Variants in MPDZ observed in about 807,000 individuals in gnomAD.
The protein encoded by MPDZ is multiple PDZ domain protein.
A neutral mutation model predicts 239.1 loss-of-function variants in MPDZ; 234 were observed. That is an observed-to-expected ratio of 0.98 (90% CI 0.88 to 1.09). The LOEUF (loss-of-function observed/expected upper bound fraction) is 1.09. MPDZ is among the 50% of genes least tolerant of loss of function. MPDZ has a pLI of 0.00. For missense variants in MPDZ, 3,175 were observed against 2,510.0 expected, an observed-to-expected ratio of 1.26 and a Z score of -5.66; for synonymous variants, 1,048 against 881.3, an observed-to-expected ratio of 1.19 and a Z score of -3.35.
At chr9:13,204,396 T>A (rs1325063024) in intron 12 of MPDZ, among the ~76,000 whole-genome samples, 1 of 152,164 alleles carries the variant, frequency 6.6e-6, no homozygotes, top group East Asian at 1.9e-4. Flanking sequence ...GAGATCAGCC[T>A]GGCCAACATG....
At chr9:13,136,270 A>G in intron 30 of MPDZ, 88 bp from the exon 31 acceptor site, 1 of 756,146 alleles carries the variant, frequency 1.3e-6, no homozygotes, top group Non-Finnish European at 2.0e-6. Flanking sequence ...ATTAGAGAAA[A>G]TTATTTAACC....
intron 3 of MPDZ, among the ~76,000 whole-genome samples, chr9:13,230,486 G>A (rs984569704): frequency 1.3e-5 from 2 of 151,994 alleles, no homozygotes; most frequent in African/African-American, 2.4e-5. Context: ...AAGATATCAA[G>A]GGCATTATGC....
chr9:13,164,425 T>C (rs909616442), intron 22 of MPDZ, among the ~76,000 whole-genome samples: 1 of 151,962 alleles, frequency 6.6e-6, no homozygotes, highest in Non-Finnish European at 1.5e-5. Context: ...AAACCTAAAA[T>C]GTGAAAAGCT....
At chr9:13,178,013 T>C (rs1952736758) in intron 19 of MPDZ, among the ~76,000 whole-genome samples, 1 of 152,124 alleles carries the variant, frequency 6.6e-6, no homozygotes, top group Admixed American at 6.5e-5. Context: ...CGGGGTCTCA[T>C]CGTGATGGTC....
chr9:13,241,688 G>C (rs574406105), intron 3 of MPDZ, among the ~76,000 whole-genome samples: 5 of 152,256 alleles, frequency 3.3e-5, no homozygotes, highest in Non-Finnish European at 7.4e-5. Flanking sequence ...TTAAAATAGA[G>C]CAAGAAAATG....
rs1554644759 is a variant in MPDZ, at chr9:13,119,553, A to G, written c.5328T>C (p.Asn1776=). Residue 1776 remains asparagine, a synonymous_variant, in exon 39 of 47, where the codon AAT becomes AAC. Coordinates refer to ENST00000319217, the MANE Select transcript of MPDZ (RefSeq NM_001378778.1). ...GGGTGGCATTACGAACGTCTTCCCC[A>G]TTCACCATTAATATCTGGTCTCCCT... is the stretch of plus-strand genomic sequence containing the variant. ...LMQGDQILMV[N]GEDVRNATQE... is the part of the protein sequence containing the mutation. 4.3e-6 allele frequency: 7 copies of G among 1,613,826 alleles called. No homozygotes were observed. Among genetic ancestry groups the G allele is most frequent in the Non-Finnish European group, 5.1e-6 (6 of 1,179,826 alleles).
At chr9:13,257,569 G>T (rs1588155950) in intron 1 of MPDZ, among the ~76,000 whole-genome samples, 2 of 152,120 alleles carry the variant, frequency 1.3e-5, no homozygotes, top group East Asian at 1.9e-4. Flanking sequence ...GAAGAGGAGG[G>T]TAATTGCTTA....
intron 42 of MPDZ, 134 bp downstream of exon 42, chr9:13,112,877 T>C: frequency 6.9e-6 from 6 of 873,126 alleles, no homozygotes; most frequent in Non-Finnish European, 8.9e-6. Context: ...ATTATGTTAT[T>C]TCACATGTAA....
intron 28 of MPDZ, 71 bp downstream of exon 28, chr9:13,139,916 G>C (rs555618631): frequency 1.3e-6 from 2 of 1,578,012 alleles, no homozygotes; most frequent in African/African-American, 2.7e-5. Flanking sequence ...TATCCAGGGC[G>C]AAATCCTTGA....
At chr9:13,227,361 C>T (rs180839801) in intron 3 of MPDZ, among the ~76,000 whole-genome samples, 1 of 152,026 alleles carries the variant, frequency 6.6e-6, no homozygotes, top group Non-Finnish European at 1.5e-5. Flanking sequence ...AAGTAAGCTT[C>T]TTATGCCAAG....
intron 1 of MPDZ, among the ~76,000 whole-genome samples, chr9:13,263,693 A>G (rs1971199419): frequency 6.6e-6 from 1 of 152,184 alleles, no homozygotes; most frequent in Admixed American, 6.5e-5. Flanking sequence ...ATGGCCCTGG[A>G]TTAGTCAACT....
At chr9:13,124,140 T>C (rs1314568448) in intron 35 of MPDZ, among the ~76,000 whole-genome samples, 1 of 152,212 alleles carries the variant, frequency 6.6e-6, no homozygotes, top group Non-Finnish European at 1.5e-5. Flanking sequence ...AGAAACAGAC[T>C]ATTTTCTTGC....
At chr9:13,148,577 C>A (rs1948734426) in intron 25 of MPDZ, among the ~76,000 whole-genome samples, 1 of 151,896 alleles carries the variant, frequency 6.6e-6, no homozygotes, top group African/African-American at 2.4e-5. Flanking sequence ...ATATTTTTTT[C>A]AGTGCATATT....
intron 9 of MPDZ, 31 bp downstream of exon 9, chr9:13,217,149 G>C: frequency 5.9e-6 from 8 of 1,348,066 alleles, no homozygotes; most frequent in Non-Finnish European, 8.3e-6. Flanking sequence ...TAATTGTCAA[G>C]TTTAAAAGAA....
At chr9:13,189,685 A>G (rs1326485840) in intron 16 of MPDZ, among the ~76,000 whole-genome samples, 5 of 152,222 alleles carry the variant, frequency 3.3e-5, no homozygotes, top group Non-Finnish European at 2.9e-5. Flanking sequence ...CAATTTAAGT[A>G]TATTCATAAA....
chr9:13,187,349 G>A (rs980584941), intron 17 of MPDZ, among the ~76,000 whole-genome samples: 21 of 152,028 alleles, frequency 1.4e-4, no homozygotes, highest in Non-Finnish European at 2.8e-4. Context: ...CTTAAGGACA[G>A]TAAAACTAAA....
chr9:13,269,830 G>T (rs1227439807), intron 1 of MPDZ, among the ~76,000 whole-genome samples: 1 of 152,148 alleles, frequency 6.6e-6, no homozygotes, highest in African/African-American at 2.4e-5. Context: ...CATCTTGCTG[G>T]CAAGATTCCA....
chr9:13,156,568 G>A (rs900369812), intron 24 of MPDZ, among the ~76,000 whole-genome samples: 1 of 152,068 alleles, frequency 6.6e-6, no homozygotes, highest in Non-Finnish European at 1.5e-5. Context: ...GAACAGCATG[G>A]GAAAGACCTG....
intron 45 of MPDZ, among the ~76,000 whole-genome samples, 184 bp from the exon 46 acceptor site, chr9:13,109,243 T>G (rs1942012201): frequency 6.6e-6 from 1 of 152,234 alleles, no homozygotes; most frequent in Admixed American, 6.5e-5. Context: ...TATTTTAAAT[T>G]TACATAATCT....
Sources: allele counts gnomAD v4.1 joint callset (sites outside exome capture counted in the v4.1 genomes callset), GRCh38; gene constraint gnomAD v4.1.1; transcripts MANE v1.5; gene names NCBI Gene and HGNC (gene_info 2026-07-23, HGNC 2026-07-21).